The following NLRP4 variants were observed in gnomAD, a reference collection of about 807,000 sequenced individuals.
NLRP4 encodes the protein NACHT, LRR and PYD domains-containing protein 4.
In NLRP4, 44 loss-of-function variants were observed where a neutral mutation model predicts 84.7. That is an observed-to-expected ratio of 0.52 (90% CI 0.41 to 0.67). The LOEUF is 0.67. Among genes scored for constraint, NLRP4 ranks in the 30% least tolerant of loss-of-function variants. The probability of loss-of-function intolerance (pLI) is 0.00; values close to 1 mark genes in which losing one functional copy is unlikely to be tolerated. For missense variants in NLRP4, 1,260 were observed against 1,219.4 expected, an observed-to-expected ratio of 1.03 and a Z score of -0.50; for synonymous variants, 544 against 476.4, an observed-to-expected ratio of 1.14 and a Z score of -1.85.
At chr19:55,854,749 C>T (rs1439982540) in intron 2 of NLRP4, among the ~76,000 whole-genome samples, 1 of 152,034 alleles carries the variant, frequency 6.6e-6, no homozygotes, top group East Asian at 1.9e-4. Context: ...GACGGAGTTT[C>T]ACTCTTTCAC....
chr19:55,850,071 G>GT (rs1232201027), intron 1 of NLRP4, among the ~76,000 whole-genome samples: 8 of 143,990 alleles, frequency 5.6e-5, no homozygotes, highest in African/African-American at 1.4e-4. Flanking sequence ...TGGAATTTCC[G>GT]AGACTGCGGT....
At chr19:55,846,154 G>C (rs1320540411) in intron 1 of NLRP4, among the ~76,000 whole-genome samples, 1 of 152,126 alleles carries the variant, frequency 6.6e-6, no homozygotes, top group African/African-American at 2.4e-5. Flanking sequence ...TCTGGTTTTA[G>C]GTCTAACATG....
chr19:55,867,859 G>A lies in NLRP4; in HGVS notation c.2337G>A (p.Thr779=), dbSNP rs36071978. 5.8e-4 allele frequency: 932 copies of A among 1,614,088 alleles called. 3 individuals carry two copies. In the African/African-American group the frequency reaches 0.011, roughly 19 times the overall value. The change falls in exon 6 of 10, where the codon ACG becomes ACA. Residue 779 remains threonine (T), a synonymous_variant. Transcript: ENST00000301295. ...GTGAAGCCCTGTGCAGCCCAGACAC[G>A]GTCCTGGTATACCTGATGTGAGTGG... is the stretch of plus-strand genomic sequence containing the variant. ...LLCEALCSPD[T]VLVYLMLAFC...
At chr19:55,850,806 TTTCC>T in intron 1 of NLRP4, among the ~76,000 whole-genome samples, 1 of 122,138 alleles carries the variant, frequency 8.2e-6, no homozygotes, top group African/African-American at 4.0e-5. Context: ...TGCGGTGTAA[TTTCC>T]GAGGCTGCGG....
intron 1 of NLRP4, among the ~76,000 whole-genome samples, chr19:55,842,817 A>T (rs1288565047): frequency 1.3e-5 from 2 of 151,638 alleles, no homozygotes; most frequent in South Asian, 2.1e-4. Context: ...TGGAGTGGAG[A>T]GGTGCGATCT....
intron 7 of NLRP4, among the ~76,000 whole-genome samples, chr19:55,875,909 T>C (rs552254908): frequency 1.3e-5 from 2 of 151,020 alleles, no homozygotes; most frequent in African/African-American, 4.9e-5. Context: ...TGATGGTGGA[T>C]GCCTGTAATA....
In NLRP4 at chr19:55,858,380, A is replaced by G; in HGVS notation, c.987A>G (p.Arg329=). The change falls in exon 3 of 10, where the codon AGA becomes AGG. Residue 329 remains arginine (R), a synonymous_variant. Coordinates refer to ENST00000301295, the MANE Select transcript of NLRP4 (RefSeq NM_134444.5). This position sits in a 1 kb window ranked among gnomAD's most constrained non-coding sequence, Gnocchi z 4.2. ...KRAMEAFNLV[R]ESEQLFSICQ... is the part of the protein sequence containing the mutation. ...CCATGGAAGCCTTCAATCTTGTAAG[A>G]GAAAGTGAACAGCTGTTTTCCATAT... is the stretch of plus-strand genomic sequence containing the variant. The G allele has an allele frequency of 6.2e-7, 1 of 1,614,216 alleles. No homozygotes were observed. Among genetic ancestry groups the G allele is most frequent in the Non-Finnish European group, 8.5e-7 (1 of 1,180,040 alleles).
intron 7 of NLRP4, among the ~76,000 whole-genome samples, chr19:55,873,377 C>T (rs184999734): frequency 3.0e-4 from 46 of 151,926 alleles, no homozygotes; most frequent in Non-Finnish European, 4.0e-4. Flanking sequence ...AAAAAATTCC[C>T]GATCCAAAAA....
chr19:55,876,848 A>T (rs112379536), intron 7 of NLRP4, 148 bp from the exon 8 acceptor site: 2 of 604,522 alleles, frequency 3.3e-6, no homozygotes, highest in East Asian at 5.4e-5. Flanking sequence ...AATAATTTCA[A>T]TCTGCCACTA....
At position 55,867,857 on chromosome 19, in the gene NLRP4, A is replaced by C. The variant is rs1362011269; in HGVS notation, c.2335A>C (p.Thr779Pro). The C allele has an allele frequency of 6.2e-7, 1 of 1,614,102 alleles. No homozygotes were observed. Among genetic ancestry groups the C allele is most frequent in the Non-Finnish European group, 8.5e-7 (1 of 1,179,972 alleles). The change falls in exon 6 of 10, where the codon ACG becomes CCG. Residue 779 changes from threonine to proline, a missense_variant. Thr to Pro is a conservative substitution (Grantham distance 38). Transcript: ENST00000301295. ...GTGTGAAGCCCTGTGCAGCCCAGAC[A>C]CGGTCCTGGTATACCTGATGTGAGT... The part of the protein sequence containing the change: ...LLCEALCSPD[T>P]VLVYLMLAFC...
At chr19:55,879,029 C>A in intron 9 of NLRP4, 65 bp downstream of exon 9, 1 of 1,272,248 alleles carries the variant, frequency 7.9e-7, no homozygotes, top group Non-Finnish European at 1.1e-6. Flanking sequence ...TTGGCTGGGA[C>A]CTGCAGTGTA....
chr19:55,871,291 A>G (rs1464772211), intron 7 of NLRP4, among the ~76,000 whole-genome samples: 5 of 152,172 alleles, frequency 3.3e-5, no homozygotes, highest in Non-Finnish European at 7.3e-5. Context: ...GGCGAAGATG[A>G]TATTTGGTGT....
At chr19:55,838,089 C>A (rs543834343) in intron 1 of NLRP4, among the ~76,000 whole-genome samples, 11 of 150,650 alleles carry the variant, frequency 7.3e-5, no homozygotes, top group Admixed American at 1.3e-4. Context: ...GAGGCCGAGG[C>A]GGGTGGATCA....
At chr19:55,837,926 C>T (rs1479466483) in intron 1 of NLRP4, among the ~76,000 whole-genome samples, 1 of 152,036 alleles carries the variant, frequency 6.6e-6, no homozygotes, top group Non-Finnish European at 1.5e-5. Context: ...ATCCCAGCTA[C>T]TCAGGAGGCT....
At position 55,867,730 on chromosome 19, in the gene NLRP4, A is replaced by G; in HGVS notation, c.2208A>G (p.Ser736=). The change falls in exon 6 of 10, where the codon TCA becomes TCG. Residue 736 remains serine, a synonymous_variant. Coordinates refer to ENST00000301295, the MANE Select transcript of NLRP4 (RefSeq NM_134444.5). ...GCAGGCTGGTAAATTGTCACCTCTC[A>G]CCCATTGATTGTGAAGTCCTTGCTG... ...KELALVNCHL[S]PIDCEVLAGL... 9 of 1,614,058 alleles carry G rather than the reference A, an allele frequency of 5.6e-6. No homozygotes were observed. Among genetic ancestry groups the G allele is most frequent in the Non-Finnish European group, 6.8e-6 (8 of 1,179,942 alleles).
intron 8 of NLRP4, 59 bp downstream of exon 8, chr19:55,877,225 G>A: frequency 6.7e-7 from 1 of 1,491,312 alleles, no homozygotes; most frequent in Non-Finnish European, 9.3e-7. Flanking sequence ...GAAAATGGAT[G>A]GGAAGAAAGA....
chr19:55,850,547 G>T (rs1165538862), intron 1 of NLRP4, among the ~76,000 whole-genome samples: 3 of 48,876 alleles, frequency 6.1e-5, no homozygotes, highest in South Asian at 8.8e-4. Context: ...GCGGTGTAAT[G>T]TCCGTGGCTG....
intron 1 of NLRP4, among the ~76,000 whole-genome samples, chr19:55,851,708 G>GTCCGAGGCTGCGGTGTAATT (rs1568660133): frequency 0.03 from 1,341 of 44,502 alleles, 209 homozygotes; most frequent in Middle Eastern, 0.036. Flanking sequence ...GCGGTGTAAT[G>GTCCGAGGCTGCGGTGTAATT]TCCGAGGCTG....
rs1984489042 is a variant in NLRP4 at position 55,857,550 on chromosome 19, AGGTTTGGCCT to A, written c.281-121_281-112del. The stretch of plus-strand genomic sequence containing the variant: ...CTTTATTTACAAGAGGAGACTGACC[AGGTTTGGCCT>A]GGGGGCCACAGTGTGTAGACCCCTG... On this transcript the variant is annotated intron_variant, in intron 2 of 9. Coordinates refer to ENST00000301295, the MANE Select transcript of NLRP4 (RefSeq NM_134444.5). The A allele has an allele frequency of 1.3e-4, 98 of 754,554 alleles. 1 individual carries two copies. In the South Asian group the frequency reaches 1.7e-3, roughly 13 times the overall value. The allele number at this position is 754,554 out of a possible 1,614,324, so 46.7% of individuals were successfully genotyped here. A position where few individuals can be genotyped will look rare whatever the true frequency, so the allele number is the denominator to read the frequency against.
Sources: allele counts gnomAD v4.1 joint callset (sites outside exome capture counted in the v4.1 genomes callset), GRCh38; gene constraint gnomAD v4.1.1; non-coding constraint Gnocchi (gnomAD v3.1); transcripts MANE v1.5; gene names NCBI Gene and HGNC (gene_info 2026-07-23, HGNC 2026-07-21).